NLE1: variants seen among roughly 807,000 people sequenced by gnomAD.
The protein encoded by NLE1 is notchless homolog 1.
A neutral mutation model predicts 62.8 loss-of-function variants in NLE1; 37 were observed. The ratio of observed to expected loss-of-function variants is 0.59; its 90% CI spans 0.45 to 0.78. The LOEUF (loss-of-function observed/expected upper bound fraction) is 0.78, where lower values mean the gene tolerates loss of function less well. NLE1 is among the 30% of genes least tolerant of loss of function. The pLI is 0.00. For missense variants in NLE1, 555 were observed against 637.9 expected, an observed-to-expected ratio of 0.87 and a Z score of 1.40; for synonymous variants, 243 against 253.0, an observed-to-expected ratio of 0.96 and a Z score of 0.37.
chr17:35,130,393 ATGCGGAGGCTGGAGGATC>A lies in NLE1; in HGVS notation c.*2026_*2043del. 6.2e-7 allele frequency: 1 copy of A among 1,614,018 alleles called. No individual in the cohort carries two copies. Among genetic ancestry groups the A allele is most frequent in the Non-Finnish European group, 8.5e-7 (1 of 1,179,970 alleles). ...GATCGTGTCCATCGGGCCGGAGGAG[ATGCGGAGGCTGGAGGATC>A]TGGAATACCTATTTCCCTGTTAAGG... On this transcript the variant is annotated 3_prime_UTR_variant, in exon 13 of 13. Coordinates refer to ENST00000442241, the MANE Select transcript of NLE1 (RefSeq NM_018096.5).
At position 35,129,196 on chromosome 17, in the gene NLE1, G is replaced by A. The variant is rs750495152; in HGVS notation, c.*3241C>T. On this transcript the variant is annotated 3_prime_UTR_variant, in exon 13 of 13. Coordinates refer to ENST00000442241, the MANE Select transcript of NLE1 (RefSeq NM_018096.5). ...CCCTGGCGTATAAGAAATATGGAATGAGGGTGTACCCTAAAGTGGGTGGGG... is the reference window on the plus strand; with the variant it reads ...CCCTGGCGTATAAGAAATATGGAATAAGGGTGTACCCTAAAGTGGGTGGGG... 2.0e-5 allele frequency: 11 copies of A among 553,932 alleles called. No individual in the cohort carries two copies. Among genetic ancestry groups the A allele is most frequent in the Non-Finnish European group, 3.5e-5 (11 of 310,018 alleles). 34.3% of individuals were successfully genotyped at this position (553,932 alleles called of 1,614,324 possible). A position where few individuals can be genotyped will look rare whatever the true frequency, so the allele number is the denominator to read the frequency against.
intron 6 of NLE1, 127 bp downstream of exon 6, chr17:35,137,416 C>T: frequency 1.1e-6 from 1 of 873,554 alleles, no homozygotes; most frequent in Non-Finnish European, 1.8e-6. Flanking sequence ...CCATGCCTGC[C>T]AAGCCATCAC....
rs73989544 is a variant in NLE1, at chr17:35,130,823, G to A, written c.*1614C>T. On this transcript the variant is annotated 3_prime_UTR_variant, in exon 13 of 13. Transcript: ENST00000442241. ...CCACCAGGACAGAGTCTACATGGGTGGGGAGATAGAAAACAGGCAGCTAGG... is the reference window on the plus strand; with the variant it reads ...CCACCAGGACAGAGTCTACATGGGTAGGGAGATAGAAAACAGGCAGCTAGG... 0.011 allele frequency: 1,967 copies of A among 177,570 alleles called. 60 individuals carry two copies. The highest frequency in any genetic ancestry group is 0.11 in the East Asian group (704 of 6,518). The allele number at this position is 177,570 out of a possible 1,614,324, so 11.0% of individuals were successfully genotyped here.
In NLE1 at chr17:35,130,608, A is replaced by C; in HGVS notation, c.*1829T>G. 1 of 638,982 alleles carries C rather than the reference A, an allele frequency of 1.6e-6. No individual in the cohort carries two copies. The highest frequency in any genetic ancestry group is 2.6e-6 in the Non-Finnish European group (1 of 378,956). 39.6% of individuals were successfully genotyped at this position (638,982 alleles called of 1,614,324 possible). On this transcript the variant is annotated 3_prime_UTR_variant, in exon 13 of 13. Coordinates refer to ENST00000442241, the MANE Select transcript of NLE1 (RefSeq NM_018096.5). ...CCAAGGCTACATAGGGGCCCCATTC[A>C]CCTGGAGGCATCTCAGGCCAGGCCA...
At chr17:35,142,148 C>T in intron 1 of NLE1, 26 bp from the exon 2 acceptor site, 1 of 1,608,492 alleles carries the variant, frequency 6.2e-7, no homozygotes, top group East Asian at 2.2e-5. Flanking sequence ...GGGCGGGAGT[C>T]AGTCTGGTCG....
At position 35,129,478 on chromosome 17, in the gene NLE1, A is replaced by G; in HGVS notation, c.*2959T>C. ...CGGTCAGTTTCTACCAGCTCCTGTT[A>G]CAGGAGGTGGCCAAGACACAGGAGA... On this transcript the variant is annotated 3_prime_UTR_variant, in exon 13 of 13. Transcript: ENST00000442241. 2 of 1,614,216 alleles carry G rather than the reference A, an allele frequency of 1.2e-6. No individual in the cohort carries two copies. Among genetic ancestry groups the G allele is most frequent in the Non-Finnish European group, 1.7e-6 (2 of 1,180,036 alleles).
chr17:35,133,055 C>T, intron 12 of NLE1, 116 bp downstream of exon 12: 1 of 1,027,444 alleles, frequency 9.7e-7, no homozygotes, highest in Non-Finnish European at 1.5e-6. Flanking sequence ...CTCCTCAAGA[C>T]AGTCTGAGCA....
chr17:35,137,796 AC>A lies in NLE1; in HGVS notation c.537+17del, dbSNP rs764196985. On this transcript the variant is annotated intron_variant, in intron 5 of 12. Transcript: ENST00000442241. ...GGCCCCCTTGAGTCTCTGCCTAGTT[AC>A]CCTGAGAACTACCTACCTGGCCATT... The A allele has an allele frequency of 1.3e-6, 2 of 1,528,252 alleles. No homozygotes were observed. The highest frequency in any genetic ancestry group is 3.5e-5 in the Admixed American group (2 of 56,960). The allele number at this position is 1,528,252 out of a possible 1,614,324, so 94.7% of individuals were successfully genotyped here.
At chr17:35,132,599 C>T (rs2091883085) in intron 12 of NLE1, 150 bp from the exon 13 acceptor site, 1 of 632,050 alleles carries the variant, frequency 1.6e-6, no homozygotes, top group Admixed American at 4.1e-5. Flanking sequence ...CCCACCCAAA[C>T]TCAGGCTGCC....
At position 35,135,453 on chromosome 17, in the gene NLE1, T is replaced by C. The variant is rs775311252; in HGVS notation, c.1012-2A>G. On this transcript the variant is annotated splice_acceptor_variant, in intron 9 of 12. Coordinates refer to ENST00000442241, the MANE Select transcript of NLE1 (RefSeq NM_018096.5). LOFTEE classifies it high-confidence loss of function. Reference sequence around the variant, plus strand: ...CACCAGCCTCTCTGGACCCTGGCCCTAGGGGAGGCAGAAAGCACACTGTGT... The same window carrying C: ...CACCAGCCTCTCTGGACCCTGGCCCCAGGGGAGGCAGAAAGCACACTGTGT... 2.5e-6 allele frequency: 4 copies of C among 1,613,842 alleles called. No homozygotes were observed. The highest frequency in any genetic ancestry group is 2.2e-5 in the South Asian group (2 of 91,074).
intron 12 of NLE1, 118 bp downstream of exon 12, chr17:35,133,053 G>A (rs986884154): frequency 1.5e-5 from 15 of 1,016,140 alleles, no homozygotes; most frequent in African/African-American, 1.3e-4. Flanking sequence ...GCCTCCTCAA[G>A]ACAGTCTGAG....
intron 12 of NLE1, 103 bp downstream of exon 12, chr17:35,133,068 T>C (rs1385590758): frequency 6.1e-6 from 7 of 1,152,924 alleles, no homozygotes; most frequent in Admixed American, 3.4e-5. Context: ...TCTGAGCACC[T>C]GGACGGCCCT....
chr17:35,130,235 T>C lies in NLE1; in HGVS notation c.*2202A>G, dbSNP rs1482313023. ...TGATAGAGACAGAGAGAGAGCCAGG[T>C]TCAGATCTGGGAAGGAACTCTGAAG... On this transcript the variant is annotated 3_prime_UTR_variant, in exon 13 of 13. Coordinates refer to ENST00000442241, the MANE Select transcript of NLE1 (RefSeq NM_018096.5). 6.3e-7 allele frequency: 1 copy of C among 1,597,582 alleles called. No homozygotes were observed. Among genetic ancestry groups the C allele is most frequent in the Non-Finnish European group, 8.5e-7 (1 of 1,170,696 alleles).
rs2091877465 is a variant in NLE1, at chr17:35,131,777, G to C, written c.*660C>G. 1 of 152,370 alleles carries C rather than the reference G, an allele frequency of 6.6e-6. No individual in the cohort carries two copies. The allele number at this position is 152,370 out of a possible 1,614,324, so 9.4% of individuals were successfully genotyped here. ...CCTTTCTGTGTGCTGTCCAATACTG[G>C]AGGCCTTACCCAGTGCGATGGAGGA... On this transcript the variant is annotated 3_prime_UTR_variant, in exon 13 of 13. Transcript: ENST00000442241.
intron 10 of NLE1, chr17:35,135,015 G>A (rs2091899872): frequency 3.2e-6 from 2 of 618,890 alleles, no homozygotes; most frequent in Non-Finnish European, 6.0e-6. Context: ...TCGTGCCGCT[G>A]CACTCGAGCC....
At position 35,142,285 on chromosome 17, in the gene NLE1, C is replaced by G; in HGVS notation, c.-10G>C. The G allele has an allele frequency of 6.5e-7, 1 of 1,539,914 alleles. No homozygotes were observed. Among genetic ancestry groups the G allele is most frequent in the Non-Finnish European group, 8.7e-7 (1 of 1,145,924 alleles). On this transcript the variant is annotated 5_prime_UTR_variant, in exon 1 of 13. Coordinates refer to ENST00000442241, the MANE Select transcript of NLE1 (RefSeq NM_018096.5). ...GCACTGCTGCCGCCATCCTGCGTCC[C>G]CACGTGGAGGAGAAAGAGCCCGGCA...
Position 35,135,321 on chromosome 17 carries a change from G to A in NLE1, c.1142C>T (p.Ser381Phe). ...HQALINQVLF[S>F]PDSRIVASAS... is the part of the protein sequence containing the mutation. Reference sequence around the variant, plus strand: ...ACTAGCCACGATGCGGGAGTCAGGAGAGAAGAGCACCTGGTTGATGAGAGC... The same window carrying A: ...ACTAGCCACGATGCGGGAGTCAGGAAAGAAGAGCACCTGGTTGATGAGAGC... Residue 381 changes from serine (S) to phenylalanine (F), a missense_variant, in exon 10 of 13, where the codon TCT becomes TTT. Physicochemically the swap from Ser to Phe is radical, Grantham distance 155. Coordinates refer to ENST00000442241, the MANE Select transcript of NLE1 (RefSeq NM_018096.5). The A allele has an allele frequency of 6.2e-7, 1 of 1,614,222 alleles. No individual in the cohort carries two copies. Among genetic ancestry groups the A allele is most frequent in the Non-Finnish European group, 8.5e-7 (1 of 1,180,042 alleles).
intron 2 of NLE1, among the ~76,000 whole-genome samples, chr17:35,141,552 CAAAAAAAAA>C (rs549704502): frequency 1.2e-5 from 1 of 83,608 alleles, no homozygotes; most frequent in South Asian, 4.5e-4. Context: ...GACTCCGTCT[CAAAAAAAAA>C]AAAAAAAAAG....
rs373427920 is a variant in NLE1 at position 35,140,124 on chromosome 17, G to A, written c.163-58C>T. ...CAATGGATGTGCAGGGGCACCCTCT[G>A]CCAGGGATGCTCCCCACTGAGCTGT... is the stretch of plus-strand genomic sequence containing the variant. On this transcript the variant is annotated intron_variant, in intron 2 of 12. Transcript: ENST00000442241. The A allele has an allele frequency of 7.0e-6, 11 of 1,569,146 alleles. No homozygotes were observed. The African/African-American group carries it at 1.4e-4, about 19-fold the overall frequency.
Sources: allele counts gnomAD v4.1 joint callset (sites outside exome capture counted in the v4.1 genomes callset), GRCh38; gene constraint gnomAD v4.1.1; transcripts MANE v1.5; gene names NCBI Gene and HGNC (gene_info 2026-07-23, HGNC 2026-07-21).